DLGAP2: variants seen among roughly 807,000 people sequenced by gnomAD.
DLGAP2 encodes DLG associated protein 2.
DLGAP2 carries 26 observed loss-of-function variants against 100.3 expected under a neutral mutation model. The observed-to-expected ratio is 0.26, with a 90% confidence interval of 0.19 to 0.36. DLGAP2 has a LOEUF of 0.36. DLGAP2 is among the 10% of genes least tolerant of loss of function. The probability of loss-of-function intolerance (pLI) is 1.00; values close to 1 mark genes in which losing one functional copy is unlikely to be tolerated. For missense variants in DLGAP2, 1,858 were observed against 1,453.2 expected (o/e 1.28, Z -4.53); for synonymous variants, 886 against 630.1 (o/e 1.41, Z -6.08).
intron 3 of DLGAP2, among the ~76,000 whole-genome samples, chr8:1,442,469 C>G (rs921192275): frequency 2.7e-5 from 4 of 145,810 alleles, no homozygotes; most frequent in African/African-American, 7.8e-5. Flanking sequence ...ACCCGCCAGG[C>G]TGCTGGGGGT....
chr8:1,002,549 G>T (rs1800989524), intron 2 of DLGAP2: 1 of 152,208 alleles, frequency 6.6e-6, no homozygotes, highest in African/African-American at 2.4e-5. Context: ...AGCTTGTTTG[G>T]CCTCCCCTCC....
At chr8:1,440,688 C>A (rs1797804699) in intron 3 of DLGAP2, among the ~76,000 whole-genome samples, 1 of 152,222 alleles carries the variant, frequency 6.6e-6, no homozygotes, top group Non-Finnish European at 1.5e-5. Flanking sequence ...GAGCCGCCCT[C>A]TGGGTCCTGA....
At chr8:936,455 G>T (rs1328858510) in intron 2 of DLGAP2, among the ~76,000 whole-genome samples, 1 of 152,238 alleles carries the variant, frequency 6.6e-6, no homozygotes, top group Non-Finnish European at 1.5e-5. Flanking sequence ...TAGGGAGGAA[G>T]GGAAGCCCAG....
chr8:970,406 G>A (rs550703748), intron 2 of DLGAP2, among the ~76,000 whole-genome samples: 63 of 152,266 alleles, frequency 4.1e-4, no homozygotes, highest in African/African-American at 1.4e-3. Flanking sequence ...TTTTTCTCCA[G>A]AGAGGTGGCT....
At chr8:1,662,422 C>T (rs1482199217) in intron 8 of DLGAP2, among the ~76,000 whole-genome samples, 3 of 152,188 alleles carry the variant, frequency 2.0e-5, no homozygotes, top group Non-Finnish European at 4.4e-5. Context: ...ATAAGTGCCT[C>T]TTTCATTGAA....
chr8:745,062 C>T (rs1024590419), intron 1 of DLGAP2, among the ~76,000 whole-genome samples: 29 of 152,200 alleles, frequency 1.9e-4, no homozygotes, highest in Non-Finnish European at 4.0e-4. Context: ...AAATACACAC[C>T]GTGAATGCCT....
At chr8:1,550,603 A>G (rs1013037013) in intron 5 of DLGAP2, among the ~76,000 whole-genome samples, 1 of 152,166 alleles carries the variant, frequency 6.6e-6, no homozygotes, top group African/African-American at 2.4e-5. Context: ...CCCCCACTAC[A>G]AAAAGCCTGA....
At chr8:917,730 G>A (rs1291572126) in intron 2 of DLGAP2, among the ~76,000 whole-genome samples, 1 of 152,126 alleles carries the variant, frequency 6.6e-6, no homozygotes, top group African/African-American at 2.4e-5. Flanking sequence ...ACAGGGGTGT[G>A]CCACCACGCC....
intron 2 of DLGAP2, among the ~76,000 whole-genome samples, chr8:1,070,810 C>A (rs1803405188): frequency 6.6e-6 from 1 of 152,132 alleles, no homozygotes; most frequent in Non-Finnish European, 1.5e-5. Context: ...TGTAGAGAGG[C>A]CGTCTGCGTA....
chr8:1,508,730 C>A (rs1410098504), intron 4 of DLGAP2, among the ~76,000 whole-genome samples: 1 of 150,538 alleles, frequency 6.6e-6, no homozygotes, highest in Admixed American at 6.6e-5. Context: ...GGGAAATGAA[C>A]CCAGTGCCCG....
At chr8:1,313,831 C>T (rs1800667251) in intron 3 of DLGAP2, among the ~76,000 whole-genome samples, 1 of 152,098 alleles carries the variant, frequency 6.6e-6, no homozygotes, top group Non-Finnish European at 1.5e-5. Flanking sequence ...AAAACTGAAC[C>T]TTGATAACCA....
At chr8:1,640,875 T>C (rs1797881475) in intron 8 of DLGAP2, among the ~76,000 whole-genome samples, 1 of 152,228 alleles carries the variant, frequency 6.6e-6, no homozygotes, top group Non-Finnish European at 1.5e-5. Context: ...CTTTGATTTA[T>C]TTGAACTACA....
chr8:1,557,752 C>T (rs981738647), intron 5 of DLGAP2, among the ~76,000 whole-genome samples: 1 of 152,234 alleles, frequency 6.6e-6, no homozygotes. Flanking sequence ...CCCATGTCCT[C>T]ATAGGGTTGC....
chr8:1,422,595 C>A (rs2129941101), intron 3 of DLGAP2, among the ~76,000 whole-genome samples: 1 of 148,378 alleles, frequency 6.7e-6, no homozygotes, highest in East Asian at 2.0e-4. Flanking sequence ...GTGGAACAGA[C>A]AGGGTGGATG....
intron 1 of DLGAP2, among the ~76,000 whole-genome samples, chr8:905,423 C>T (rs985493217): frequency 6.6e-6 from 1 of 152,142 alleles, no homozygotes; most frequent in Non-Finnish European, 1.5e-5. Flanking sequence ...TCATACCATG[C>T]GTCTGAACTG....
At chr8:1,457,888 A>G (rs963419052) in intron 3 of DLGAP2, among the ~76,000 whole-genome samples, 3 of 150,100 alleles carry the variant, frequency 2.0e-5, no homozygotes, top group African/African-American at 4.9e-5. Context: ...GGGCATGCAC[A>G]TTTCTGCAGC....
chr8:1,523,521 A>G (rs372537123), intron 4 of DLGAP2, among the ~76,000 whole-genome samples: 2 of 151,958 alleles, frequency 1.3e-5, no homozygotes, highest in East Asian at 3.9e-4. Flanking sequence ...GACGGGGGGG[A>G]AGGACTCCCT....
chr8:978,714 T>C (rs1182374280), intron 2 of DLGAP2, among the ~76,000 whole-genome samples: 1 of 152,066 alleles, frequency 6.6e-6, no homozygotes, highest in Non-Finnish European at 1.5e-5. Flanking sequence ...TGAGTTCTGG[T>C]CTTTGCCACG....
At chr8:826,381 A>G (rs111739618) in intron 1 of DLGAP2, among the ~76,000 whole-genome samples, 4 of 151,960 alleles carry the variant, frequency 2.6e-5, no homozygotes, top group East Asian at 1.9e-4. Flanking sequence ...TGCTTCACTC[A>G]TGTCTGTCTT....
Sources: allele counts gnomAD v4.1 joint callset (sites outside exome capture counted in the v4.1 genomes callset), GRCh38; gene constraint gnomAD v4.1.1; transcripts MANE v1.5; gene names NCBI Gene and HGNC (gene_info 2026-07-23, HGNC 2026-07-21).